Variants in CFAP61 observed in about 807,000 individuals in gnomAD.
CFAP61 encodes cilia- and flagella-associated protein 61.
A neutral mutation model predicts 135.6 loss-of-function variants in CFAP61; 107 were observed. That is an observed-to-expected ratio of 0.79 (90% CI 0.67 to 0.93). CFAP61 has a LOEUF of 0.93. Ranked by LOEUF, CFAP61 falls within the 40% of genes least tolerant of loss-of-function variation. The pLI, the probability that CFAP61 is intolerant of heterozygous loss-of-function variation, is 0.00. For missense variants in CFAP61, 1,507 were observed against 1,556.2 expected (o/e 0.97, Z 0.53); for synonymous variants, 575 against 578.5 (o/e 0.99, Z 0.09).
At chr20:20,169,178 C>T in intron 12 of CFAP61, 143 bp from the exon 13 acceptor site, 4 of 731,384 alleles carry the variant, frequency 5.5e-6, no homozygotes, top group South Asian at 2.6e-5. Context: ...GATTATTTTC[C>T]AAATTATAGG....
intron 11 of CFAP61, among the ~76,000 whole-genome samples, chr20:20,164,942 C>G (rs1810521): frequency 0.88 from 133,775 of 152,212 alleles, 59,663 homozygotes; most frequent in Middle Eastern, 0.98. Context: ...CTTATAAAAC[C>G]ATGAGATTTC....
chr20:20,139,024 C>T (rs140484861), intron 8 of CFAP61, among the ~76,000 whole-genome samples: 111 of 152,214 alleles, frequency 7.3e-4, no homozygotes, highest in African/African-American at 2.5e-3. Context: ...TACTGTTTCT[C>T]CATATTTGCT....
Position 20,251,614 on chromosome 20 carries a change from G to C in CFAP61, c.2179G>C (p.Asp727His). ...TTGCAGCCACTGTTTTAATGATAAA[G>C]ATTATGCACTGATGTCACTGTGCTC... ...LASDHCFNDKDYALMSLCSWV... is the reference protein window; with the variant it reads ...LASDHCFNDKHYALMSLCSWV... The change falls in exon 20 of 27, where the codon GAT (aspartate) becomes CAT (histidine). Residue 727 changes from aspartate (D) to histidine (H), a missense_variant. Coordinates refer to ENST00000245957, the MANE Select transcript of CFAP61 (RefSeq NM_015585.4). 6.2e-7 allele frequency: 1 copy of C among 1,614,150 alleles called. No homozygotes were observed. The highest frequency in any genetic ancestry group is 8.5e-7 in the Non-Finnish European group (1 of 1,180,028).
intron 19 of CFAP61, among the ~76,000 whole-genome samples, chr20:20,250,569 T>C (rs1308853049): frequency 6.6e-6 from 1 of 152,166 alleles, no homozygotes; most frequent in Admixed American, 6.5e-5. Flanking sequence ...GGCAACATAG[T>C]GAGATCCTGT....
At chr20:20,092,350 C>G (rs1468391525) in intron 7 of CFAP61, among the ~76,000 whole-genome samples, 3 of 152,214 alleles carry the variant, frequency 2.0e-5, no homozygotes, top group African/African-American at 4.8e-5. Flanking sequence ...GAAGGCCCAG[C>G]CTATTGGGCC....
chr20:20,089,663 T>G (rs917223021), intron 6 of CFAP61, among the ~76,000 whole-genome samples: 2 of 150,632 alleles, frequency 1.3e-5, no homozygotes, highest in African/African-American at 4.9e-5. Flanking sequence ...AAGAATGTGC[T>G]AAAAAGAAGA....
chr20:20,227,300 A>G (rs2048806799), intron 17 of CFAP61, among the ~76,000 whole-genome samples: 1 of 152,262 alleles, frequency 6.6e-6, no homozygotes. Flanking sequence ...AATTAACAGC[A>G]TGGGATGAGG....
At position 20,290,406 on chromosome 20, in the gene CFAP61, T is replaced by C. The variant is rs1398187773; in HGVS notation, c.3216+15T>C. The C allele has an allele frequency of 2.0e-6, 3 of 1,506,406 alleles. No homozygotes were observed. Among genetic ancestry groups the C allele is most frequent in the Admixed American group, 1.7e-5 (1 of 59,268 alleles). 93.3% of individuals were successfully genotyped at this position (1,506,406 alleles called of 1,614,324 possible). A position where few individuals can be genotyped will look rare whatever the true frequency, so the allele number is the denominator to read the frequency against. ...AGCCTAATTATGTAAGTATTATTTC[T>C]GAATTTCATTTTACTTTCAAATACA... On this transcript the variant is annotated intron_variant, in intron 24 of 26. Transcript: ENST00000245957.
At chr20:20,250,952 T>G (rs2050837128) in intron 19 of CFAP61, among the ~76,000 whole-genome samples, 1 of 152,214 alleles carries the variant, frequency 6.6e-6, no homozygotes, top group Non-Finnish European at 1.5e-5. Flanking sequence ...GGTCGAAGTC[T>G]CCGTTCCTAG....
chr20:20,174,289 C>G (rs1286818222), intron 13 of CFAP61, among the ~76,000 whole-genome samples: 1 of 152,190 alleles, frequency 6.6e-6, no homozygotes, highest in Admixed American at 6.5e-5. Context: ...CAGCCCACAC[C>G]AGTTTCCCTG....
At chr20:20,213,519 C>T (rs2146921391) in intron 17 of CFAP61, among the ~76,000 whole-genome samples, 1 of 151,388 alleles carries the variant, frequency 6.6e-6, no homozygotes, top group African/African-American at 2.4e-5. Flanking sequence ...CCAGGAATTC[C>T]CAGGGAGGAC....
Position 20,159,377 on chromosome 20 carries a change from T to C in CFAP61, c.959T>C (p.Ile320Thr), listed in dbSNP as rs867043437. ...TGCTGTCATCATTTCCAGGGAAATATTGCCAGAGAAGCTGCATCCGAGGAA... is the reference window on the plus strand; with the variant it reads ...TGCTGTCATCATTTCCAGGGAAATACTGCCAGAGAAGCTGCATCCGAGGAA... ...PDTMENIQGN[I>T]AREAASEEAL... The change falls in exon 10 of 27, where the codon ATT becomes ACT. Residue 320 changes from isoleucine (I) to threonine (T), a missense_variant. Coordinates refer to ENST00000245957, the MANE Select transcript of CFAP61 (RefSeq NM_015585.4). 5 of 1,613,686 alleles carry C rather than the reference T, an allele frequency of 3.1e-6. No homozygotes were observed. The highest frequency in any genetic ancestry group is 1.6e-4 in the Middle Eastern group (1 of 6,078).
At chr20:20,186,443 T>C (rs1342940008) in intron 13 of CFAP61, among the ~76,000 whole-genome samples, 1 of 152,202 alleles carries the variant, frequency 6.6e-6, no homozygotes, top group Non-Finnish European at 1.5e-5. Context: ...ATTTGGGTTG[T>C]TTTTTCTTGG....
At chr20:20,079,423 A>T (rs925823856) in intron 6 of CFAP61, among the ~76,000 whole-genome samples, 4 of 122,382 alleles carry the variant, frequency 3.3e-5, no homozygotes, top group African/African-American at 1.1e-4. Flanking sequence ...GCAAAGGAGT[A>T]GTCAGTGCTA....
intron 8 of CFAP61, among the ~76,000 whole-genome samples, chr20:20,127,484 T>G (rs1471879722): frequency 2.0e-5 from 3 of 151,684 alleles, no homozygotes; most frequent in African/African-American, 4.9e-5. Context: ...GTGATTGTTC[T>G]CTCTCTTCTG....
chr20:20,357,044 G>GGTGGTCACACTGAGGGGAA, intron 26 of CFAP61, among the ~76,000 whole-genome samples: 1 of 121,384 alleles, frequency 8.2e-6, no homozygotes, highest in African/African-American at 3.1e-5. Context: ...ACTGAGAGGA[G>GGTGGTCACACTGAGGGGAA]GTGGTCACAC....
intron 19 of CFAP61, among the ~76,000 whole-genome samples, chr20:20,247,643 C>T (rs1312670380): frequency 1.3e-5 from 2 of 152,236 alleles, no homozygotes; most frequent in African/African-American, 4.8e-5. Context: ...CAGATAAGAA[C>T]ATTTTCATCA....
At chr20:20,354,502 C>A (rs1432500266) in intron 26 of CFAP61, among the ~76,000 whole-genome samples, 235 of 133,834 alleles carry the variant, frequency 1.8e-3, no homozygotes, top group East Asian at 3.1e-3. Flanking sequence ...GACCTTGTCT[C>A]AAAAAAAAAA....
chr20:20,283,692 G>T (rs1040120412), intron 22 of CFAP61, among the ~76,000 whole-genome samples: 3 of 152,334 alleles, frequency 2.0e-5, no homozygotes, highest in Admixed American at 6.5e-5. Context: ...GATAGTAATA[G>T]AAGTTAATTC....
Sources: gnomAD v4.1 joint callset for allele counts (sites outside exome capture counted in the v4.1 genomes callset) on GRCh38, gnomAD v4.1.1 for gene constraint, MANE v1.5 for transcripts, NCBI Gene and HGNC (gene_info 2026-07-23, HGNC 2026-07-21) for gene names.